The following TMEM132C variants were observed in gnomAD, a reference collection of about 807,000 sequenced individuals.
TMEM132C encodes protein phosphatase 1, regulatory subunit 152.
A neutral mutation model predicts 61.4 loss-of-function variants in TMEM132C; 29 were observed. The observed-to-expected ratio is 0.47, with a 90% CI of 0.35 to 0.64. TMEM132C has a LOEUF of 0.64. Among genes scored for constraint, TMEM132C ranks in the 30% least tolerant of loss-of-function variants. The pLI, the probability that TMEM132C is intolerant of heterozygous loss-of-function variation, is 0.00. For synonymous variants in TMEM132C, 656 were observed against 633.1 expected (o/e 1.04, Z -0.54); for missense variants, 1,408 against 1,476.9 (o/e 0.95, Z 0.76).
intron 1 of TMEM132C, among the ~76,000 whole-genome samples, chr12:128,406,295 C>T (rs1177219793): frequency 6.6e-6 from 1 of 152,188 alleles, no homozygotes; most frequent in Non-Finnish European, 1.5e-5. Context: ...GGCTATTGGT[C>T]AAACTTGATG....
chr12:128,426,911 G>A (rs1162427518), intron 2 of TMEM132C, among the ~76,000 whole-genome samples: 1 of 152,124 alleles, frequency 6.6e-6, no homozygotes, highest in Admixed American at 6.5e-5. Flanking sequence ...CTTAGTTTTC[G>A]AGTTCTCCAA....
intron 1 of TMEM132C, among the ~76,000 whole-genome samples, chr12:128,321,147 T>TA (rs1872320034): frequency 1.5e-5 from 2 of 130,716 alleles, no homozygotes; most frequent in Non-Finnish European, 3.3e-5. Context: ...AAAATAATAA[T>TA]AATAATAATA....
chr12:128,519,063 G>C (rs1228449872), intron 2 of TMEM132C, among the ~76,000 whole-genome samples: 1 of 152,196 alleles, frequency 6.6e-6, no homozygotes, highest in African/African-American at 2.4e-5. Context: ...TATACTTAAA[G>C]TGATAAATGT....
At chr12:128,297,277 T>C (rs1871443143) in intron 1 of TMEM132C, among the ~76,000 whole-genome samples, 1 of 152,162 alleles carries the variant, frequency 6.6e-6, no homozygotes, top group Admixed American at 6.5e-5. Flanking sequence ...GTGAACACCA[T>C]GCAGAAGTTG....
chr12:128,657,513 C>T (rs879701280), intron 4 of TMEM132C, among the ~76,000 whole-genome samples: 16 of 152,084 alleles, frequency 1.1e-4, no homozygotes, highest in South Asian at 4.2e-4. Flanking sequence ...GGGGTGACAC[C>T]GGGGCTCAAT....
At chr12:128,345,061 C>A (rs1873107679) in intron 1 of TMEM132C, among the ~76,000 whole-genome samples, 1 of 151,954 alleles carries the variant, frequency 6.6e-6, no homozygotes, top group Admixed American at 6.6e-5. Context: ...CTCCCTCCTC[C>A]CCGCCCACCA....
intron 1 of TMEM132C, among the ~76,000 whole-genome samples, chr12:128,342,259 T>A (rs1872998701): frequency 1.3e-5 from 2 of 152,084 alleles, no homozygotes; most frequent in Admixed American, 1.3e-4. Context: ...TGCCCGCCTC[T>A]GCCTCCCAAA....
rs1033120239 is a variant in TMEM132C, at chr12:128,414,947, C to A, written c.301C>A (p.Pro101Thr). 6.4e-7 allele frequency: 1 copy of A among 1,551,762 alleles called. No individual in the cohort carries two copies. Among genetic ancestry groups the A allele is most frequent in the Non-Finnish European group, 8.7e-7 (1 of 1,147,030 alleles). The change falls in exon 2 of 9, where the codon CCC (proline) becomes ACC (threonine). Residue 101 changes from proline to threonine, a missense_variant. By Grantham distance (38) the Pro-to-Thr change is conservative (BLOSUM62 -1). Coordinates refer to ENST00000435159, the MANE Select transcript of TMEM132C (RefSeq NM_001136103.3). ...CCCAGTGCTCAATGCCAGCTATGGA[C>A]CCTTTTCTGTGGAGAAGGTTGTGCC... ...QPPVLNASYG[P>T]FSVEKVVPLD...
In TMEM132C at chr12:128,706,146, A is replaced by G. The variant is rs144227199; in HGVS notation, c.3178A>G (p.Thr1060Ala). ...GAAGAAGGTGAAATTTACCACCTTTACCACCATCCCCCCGGACGACAGCTG... is the reference window on the plus strand; with the variant it reads ...GAAGAAGGTGAAATTTACCACCTTTGCCACCATCCCCCCGGACGACAGCTG... ...KRKKVKFTTF[T>A]TIPPDDSCPT... is the part of the protein sequence containing the mutation. Residue 1060 changes from threonine (T) to alanine (A), a missense_variant, in exon 9 of 9, where the codon ACC becomes GCC. Coordinates refer to ENST00000435159, the MANE Select transcript of TMEM132C (RefSeq NM_001136103.3). The G allele has an allele frequency of 6.4e-7, 1 of 1,551,562 alleles. No homozygotes were observed. Among genetic ancestry groups the G allele is most frequent in the Admixed American group, 2.0e-5 (1 of 50,990 alleles).
chr12:128,520,115 C>A (rs1329863569), intron 2 of TMEM132C, among the ~76,000 whole-genome samples: 1 of 152,168 alleles, frequency 6.6e-6, no homozygotes, highest in East Asian at 1.9e-4. Context: ...AAGTGACTTG[C>A]AAAGGCACAT....
chr12:128,347,136 T>G (rs1018626360), intron 1 of TMEM132C, among the ~76,000 whole-genome samples: 1 of 152,164 alleles, frequency 6.6e-6, no homozygotes, highest in Non-Finnish European at 1.5e-5. Context: ...TCCTGGCATC[T>G]TCATAGCTTA....
chr12:128,559,753 T>A (rs576838367), intron 3 of TMEM132C, among the ~76,000 whole-genome samples: 4 of 152,312 alleles, frequency 2.6e-5, no homozygotes, highest in African/African-American at 9.6e-5. Context: ...ATGGTATTTG[T>A]GAGCCTGGGA....
chr12:128,527,981 C>G (rs1017988375), intron 2 of TMEM132C, among the ~76,000 whole-genome samples: 4 of 152,106 alleles, frequency 2.6e-5, no homozygotes, highest in Admixed American at 2.6e-4. Flanking sequence ...CTCAATGAAG[C>G]TGCTAGGAGA....
intron 2 of TMEM132C, among the ~76,000 whole-genome samples, chr12:128,513,542 G>A (rs893642886): frequency 4.6e-5 from 7 of 152,116 alleles, no homozygotes; most frequent in Admixed American, 1.3e-4. Context: ...CATCTTGGAC[G>A]ATCTTTTACT....
chr12:128,422,126 T>C (rs971914646), intron 2 of TMEM132C, among the ~76,000 whole-genome samples: 1 of 152,212 alleles, frequency 6.6e-6, no homozygotes, highest in Non-Finnish European at 1.5e-5. Context: ...ATATTGACAA[T>C]GGAGGTCATC....
intron 1 of TMEM132C, among the ~76,000 whole-genome samples, chr12:128,366,815 GAGTTA>G (rs1873887362): frequency 3.9e-5 from 6 of 152,212 alleles, no homozygotes; most frequent in Non-Finnish European, 7.3e-5. Context: ...GCTGCGTGCA[GAGTTA>G]CATACTAGGG....
chr12:128,268,419 G>C (rs1870392037), intron 1 of TMEM132C, among the ~76,000 whole-genome samples: 1 of 152,202 alleles, frequency 6.6e-6, no homozygotes, highest in South Asian at 2.1e-4. Context: ...GGGCAGGCGG[G>C]GAGCAAGGCC....
At chr12:128,521,720 A>G (rs1478212514) in intron 2 of TMEM132C, among the ~76,000 whole-genome samples, 1 of 152,184 alleles carries the variant, frequency 6.6e-6, no homozygotes, top group African/African-American at 2.4e-5. Flanking sequence ...GAAATTCTGT[A>G]GCCTGTCCTG....
At chr12:128,495,533 A>T in intron 2 of TMEM132C, among the ~76,000 whole-genome samples, 1 of 152,194 alleles carries the variant, frequency 6.6e-6, no homozygotes, top group Non-Finnish European at 1.5e-5. Flanking sequence ...TATTGGGTGC[A>T]TACATATTTA....
Sources: allele counts gnomAD v4.1 joint callset (sites outside exome capture counted in the v4.1 genomes callset), GRCh38; gene constraint gnomAD v4.1.1; transcripts MANE v1.5; gene names NCBI Gene and HGNC (gene_info 2026-07-23, HGNC 2026-07-21).